The following SLFN12L variants were observed in gnomAD, a reference collection of about 807,000 sequenced individuals.
The protein encoded by SLFN12L is schlafen family member 12-like.
A neutral mutation model predicts 34.8 loss-of-function variants in SLFN12L; 34 were observed. That is an observed-to-expected ratio of 0.98 (90% CI 0.74 to 1.30). The LOEUF (loss-of-function observed/expected upper bound fraction) is 1.30, where lower values mean the gene tolerates loss of function less well. SLFN12L is among the 50% of genes most tolerant of loss of function. SLFN12L has a pLI of 0.00. For synonymous variants in SLFN12L, 259 were observed against 247.5 expected (o/e 1.05, Z -0.44); for missense variants, 703 against 696.2 (o/e 1.01, Z -0.11).
intron 4 of SLFN12L, among the ~76,000 whole-genome samples, chr17:35,476,472 AGG>A (rs1320575022): frequency 1.3e-4 from 15 of 117,102 alleles, no homozygotes; most frequent in Middle Eastern, 4.1e-3. Flanking sequence ...GAAGGAAGGA[AGG>A]AAGGAAGGAA....
Position 35,478,137 on chromosome 17 carries a change from TG to T in SLFN12L, c.1213del (p.Gln405ArgfsTer16). 6.5e-7 allele frequency: 1 copy of T among 1,545,700 alleles called. No homozygotes were observed. Among genetic ancestry groups the T allele is most frequent in the Non-Finnish European group, 8.8e-7 (1 of 1,142,016 alleles). On this transcript the variant is annotated frameshift_variant, in exon 4 of 5. Transcript: ENST00000628453. LOFTEE classifies it high-confidence loss of function. ...AATATATTCACGAAGAGGATAACTCTGGGAGACAGGTGATGATGTACTTGCT... is the reference window on the plus strand; with the variant it reads ...AATATATTCACGAAGAGGATAACTCTGGAGACAGGTGATGATGTACTTGCT... ...SPASTSSPVSQSYPLREYINF... is the reference protein window; with the variant it reads ...SPASTSSPVSXSYPLREYINF...
rs1384587333 is a variant in SLFN12L, at chr17:35,475,355, C to T, written c.1407G>A (p.Arg469=). ...GCAAGCCCAGATCCAAAGACCAGCT[C>T]CTAGAGAAGATCAGTGAGCCCTTAT... ...SVNKGSLIFS[R]SWSLDLGLQE... is the part of the protein sequence containing the mutation. Residue 469 remains arginine, a synonymous_variant, in exon 5 of 5, where the codon AGG becomes AGA. Transcript: ENST00000628453. The T allele has an allele frequency of 1.2e-6, 2 of 1,614,030 alleles. No homozygotes were observed. The highest frequency in any genetic ancestry group is 1.7e-6 in the Non-Finnish European group (2 of 1,180,044).
At chr17:35,526,947 T>C (rs967678361) in intron 1 of SLFN12L, among the ~76,000 whole-genome samples, 4 of 151,562 alleles carry the variant, frequency 2.6e-5, no homozygotes, top group African/African-American at 9.7e-5. Flanking sequence ...ATCCACAAGA[T>C]AGATAGACTA....
At chr17:35,490,375 C>A in intron 2 of SLFN12L, 2 of 1,327,602 alleles carry the variant, frequency 1.5e-6, no homozygotes, top group Non-Finnish European at 2.2e-6. Context: ...TCTTGATCTG[C>A]TCACCAAGAA....
At chr17:35,476,519 A>AAGGG (rs1914029679) in intron 4 of SLFN12L, among the ~76,000 whole-genome samples, 1 of 146,408 alleles carries the variant, frequency 6.8e-6, no homozygotes, top group Non-Finnish European at 1.5e-5. Flanking sequence ...GGAAGGAAGG[A>AAGGG]AAGAAGGAAG....
At chr17:35,513,166 C>T (rs1278225958) in intron 2 of SLFN12L, among the ~76,000 whole-genome samples, 1 of 152,038 alleles carries the variant, frequency 6.6e-6, no homozygotes, top group East Asian at 1.9e-4. Flanking sequence ...GATATTGTGC[C>T]TCATCATCAA....
Position 35,479,569 on chromosome 17 carries a change from A to G in SLFN12L, c.713T>C (p.Leu238Ser). ...NRTELGYKEKLTFTESTHVEI... is the reference protein window; with the variant it reads ...NRTELGYKEKSTFTESTHVEI... ...AACGTGTGTGGATTCAGTAAAGGTCAATTTTTCTTTATAACCAAGTTCTGT... is the reference window on the plus strand; with the variant it reads ...AACGTGTGTGGATTCAGTAAAGGTCGATTTTTCTTTATAACCAAGTTCTGT... The change falls in exon 3 of 5, where the codon TTG becomes TCG. Residue 238 changes from leucine to serine, a missense_variant. By Grantham distance (145) the Leu-to-Ser change is moderately radical (BLOSUM62 -2). Coordinates refer to ENST00000628453, the MANE Select transcript of SLFN12L (RefSeq NM_001363830.2). 1.2e-6 allele frequency: 2 copies of G among 1,613,750 alleles called. No individual in the cohort carries two copies. Among genetic ancestry groups the G allele is most frequent in the Non-Finnish European group, 8.5e-7 (1 of 1,179,924 alleles).
intron 2 of SLFN12L, among the ~76,000 whole-genome samples, chr17:35,494,052 A>C (rs545491550): frequency 6.6e-6 from 1 of 152,174 alleles, no homozygotes; most frequent in Non-Finnish European, 1.5e-5. Flanking sequence ...TTGAAGGAAG[A>C]TGACTTGCAG....
chr17:35,525,947 C>A (rs2072330325), intron 1 of SLFN12L, among the ~76,000 whole-genome samples: 1 of 152,106 alleles, frequency 6.6e-6, no homozygotes, highest in African/African-American at 2.4e-5. Context: ...CATCAGTGTG[C>A]TGTATTCAGG....
intron 2 of SLFN12L, among the ~76,000 whole-genome samples, chr17:35,517,538 GA>G (rs1181363268): frequency 6.6e-6 from 1 of 152,082 alleles, no homozygotes; most frequent in Non-Finnish European, 1.5e-5. Flanking sequence ...TGCAGAATTA[GA>G]AAAAACTACT....
chr17:35,506,889 C>G (rs1345338059), intron 2 of SLFN12L, among the ~76,000 whole-genome samples: 1 of 152,190 alleles, frequency 6.6e-6, no homozygotes, highest in African/African-American at 2.4e-5. Flanking sequence ...TGGGGAAGGA[C>G]TTCACCCTTC....
At chr17:35,535,305 C>A (rs2072448623) in intron 1 of SLFN12L, among the ~76,000 whole-genome samples, 1 of 151,652 alleles carries the variant, frequency 6.6e-6, no homozygotes, top group South Asian at 2.1e-4. Context: ...ATTCTCCTGC[C>A]TCAGCCTCCC....
At chr17:35,495,147 G>A (rs994397040) in intron 2 of SLFN12L, among the ~76,000 whole-genome samples, 6 of 152,074 alleles carry the variant, frequency 3.9e-5, no homozygotes, top group Non-Finnish European at 5.9e-5. Context: ...CAATCTGCCC[G>A]CCTTGGCCTC....
intron 1 of SLFN12L, among the ~76,000 whole-genome samples, chr17:35,530,872 C>T (rs974368341): frequency 8.5e-5 from 13 of 152,072 alleles, no homozygotes; most frequent in African/African-American, 1.9e-4. Flanking sequence ...GATTCAGTAG[C>T]GCAGGAAACA....
At chr17:35,482,043 G>A (rs1178863775) in intron 2 of SLFN12L, among the ~76,000 whole-genome samples, 3 of 152,044 alleles carry the variant, frequency 2.0e-5, no homozygotes, top group Admixed American at 2.0e-4. Flanking sequence ...TGTATTTTTA[G>A]TAGAGACAGC....
intron 1 of SLFN12L, among the ~76,000 whole-genome samples, chr17:35,536,237 T>G (rs2072460507): frequency 6.6e-6 from 1 of 152,236 alleles, no homozygotes; most frequent in South Asian, 2.1e-4. Flanking sequence ...ATCTCCCTGG[T>G]ATTTGTGATA....
chr17:35,476,450 AAAGCAAGG>A (rs1266206149), intron 4 of SLFN12L, among the ~76,000 whole-genome samples: 7 of 126,616 alleles, frequency 5.5e-5, no homozygotes, highest in African/African-American at 2.1e-4. Flanking sequence ...GAAAGAAAAG[AAAGCAAGG>A]AAGGAAGGAA....
intron 2 of SLFN12L, among the ~76,000 whole-genome samples, chr17:35,518,959 C>T (rs1915920280): frequency 6.6e-6 from 1 of 152,158 alleles, no homozygotes; most frequent in Non-Finnish European, 1.5e-5. Flanking sequence ...AAATGCCCAT[C>T]AATGATAGAC....
intron 2 of SLFN12L, among the ~76,000 whole-genome samples, chr17:35,506,241 G>T (rs1227868237): frequency 6.6e-6 from 1 of 152,184 alleles, no homozygotes; most frequent in African/African-American, 2.4e-5. Context: ...GTCATTAATA[G>T]TAATAAGTTA....
Sources: gnomAD v4.1 joint callset for allele counts (sites outside exome capture counted in the v4.1 genomes callset) on GRCh38, gnomAD v4.1.1 for gene constraint, MANE v1.5 for transcripts, NCBI Gene and HGNC (gene_info 2026-07-23, HGNC 2026-07-21) for gene names.